The following ADGRL3 variants were observed in gnomAD, a reference collection of about 807,000 sequenced individuals.
ADGRL3 encodes the protein calcium-independent alpha-latrotoxin receptor 3.
Under a neutral mutation model 153.5 loss-of-function variants are expected in ADGRL3, and 62 were observed. The observed-to-expected ratio is 0.40, with a 90% CI of 0.33 to 0.50. The LOEUF (loss-of-function observed/expected upper bound fraction) is 0.50. Among genes scored for constraint, ADGRL3 ranks in the 20% least tolerant of loss-of-function variants. The pLI is 0.47. For synonymous variants in ADGRL3, 710 were observed against 672.5 expected (o/e 1.06, Z -0.86); for missense variants, 1,641 against 1,859.4 (o/e 0.88, Z 2.16).
intron 1 of ADGRL3, among the ~76,000 whole-genome samples, chr4:61,372,871 A>C (rs892564566): frequency 1.3e-5 from 2 of 152,122 alleles, no homozygotes; most frequent in Admixed American, 1.3e-4. Flanking sequence ...CTGTGCTAGC[A>C]ATCAGCGAGA....
At chr4:61,235,145 G>A (rs1388898118) in intron 1 of ADGRL3, among the ~76,000 whole-genome samples, 4 of 152,164 alleles carry the variant, frequency 2.6e-5, no homozygotes, top group African/African-American at 9.7e-5. Flanking sequence ...GTAGAGCGAT[G>A]AGTAGATGAC....
chr4:61,711,591 T>G (rs1433789586), intron 6 of ADGRL3, among the ~76,000 whole-genome samples: 1 of 149,794 alleles, frequency 6.7e-6, no homozygotes, highest in Non-Finnish European at 1.5e-5. Flanking sequence ...GATTTGCAAA[T>G]TGGACAGCCC....
chr4:61,810,950 G>T (rs2097608687), intron 8 of ADGRL3, among the ~76,000 whole-genome samples: 1 of 151,960 alleles, frequency 6.6e-6, no homozygotes, highest in South Asian at 2.1e-4. Flanking sequence ...GGTCAATGCT[G>T]ACTTAACTAT....
rs150795177 is a variant in ADGRL3, at chr4:61,801,732, T to C, written c.1400-12077T>C. ...TCCATAATATAACTTGTTTACAACT[T>C]ATATTTGTTAAGGGATTTGTTAAGG... On this transcript the variant is annotated intron_variant, in intron 8 of 26. Coordinates refer to ENST00000683033, the MANE Select transcript of ADGRL3 (RefSeq NM_001387552.1). Among the ~76,000 whole-genome samples, 1,013 of 152,252 alleles carry C rather than the reference T, an allele frequency of 6.7e-3. 14 individuals are homozygous for C. The highest frequency in any genetic ancestry group is 0.023 in the African/African-American group (964 of 41,550).
In ADGRL3 at chr4:61,939,507, T is replaced by A. The variant is rs192942047; in HGVS notation, c.2419+3462T>A. ...TTTTTTGAGACGGAGTCTCACTCTGTCACCCAGGCTGGGATGCAGTGGCAC... is the reference window on the plus strand; with the variant it reads ...TTTTTTGAGACGGAGTCTCACTCTGACACCCAGGCTGGGATGCAGTGGCAC... On this transcript the variant is annotated intron_variant, in intron 15 of 26. Transcript: ENST00000683033. Among the ~76,000 whole-genome samples, 25 of 151,774 alleles carry A rather than the reference T, an allele frequency of 1.6e-4. No homozygotes were observed. The East Asian group carries it at 4.9e-3, about 30-fold the overall frequency.
intron 1 of ADGRL3, among the ~76,000 whole-genome samples, chr4:61,375,981 T>C (rs1402516755): frequency 1.3e-5 from 2 of 152,178 alleles, no homozygotes; most frequent in Non-Finnish European, 2.9e-5. Flanking sequence ...ATTAATAAAG[T>C]ATACTGTATT....
intron 4 of ADGRL3, among the ~76,000 whole-genome samples, chr4:61,553,112 A>C (rs182778835): frequency 1.3e-5 from 2 of 152,206 alleles, no homozygotes. Context: ...AAATAAGCAT[A>C]GTTCGTAGGT....
At position 62,075,881 on chromosome 4, in the gene ADGRL3, A is replaced by G. The variant is rs1357686488; in HGVS notation, c.*4973A>G. On this transcript the variant is annotated 3_prime_UTR_variant, in exon 27 of 27. Transcript: ENST00000683033. The stretch of plus-strand genomic sequence containing the variant: ...AAAAATATTAAACAATTAAATTTTC[A>G]TTTGTAGGCTAGCAGAACTTAAATG... 2 of 152,276 alleles carry G rather than the reference A, an allele frequency of 1.3e-5. No individual in the cohort carries two copies. The highest frequency in any genetic ancestry group is 2.4e-5 in the African/African-American group (1 of 41,586). 9.4% of individuals were successfully genotyped at this position (152,276 alleles called of 1,614,324 possible). A position where few individuals can be genotyped will look rare whatever the true frequency, so the allele number is the denominator to read the frequency against.
chr4:61,723,767 T>C (rs1320301179), intron 6 of ADGRL3, among the ~76,000 whole-genome samples: 2 of 152,158 alleles, frequency 1.3e-5, no homozygotes, highest in African/African-American at 4.8e-5. Flanking sequence ...ATATCAATGC[T>C]TGCCGGTCAG....
At chr4:61,551,078 C>G (rs545066008) in intron 4 of ADGRL3, among the ~76,000 whole-genome samples, 61 of 152,162 alleles carry the variant, frequency 4.0e-4, no homozygotes, top group African/African-American at 1.5e-3. Context: ...TTTCTCATAT[C>G]AGCTTACATG....
At chr4:61,607,695 T>G (rs1285755455) in intron 5 of ADGRL3, among the ~76,000 whole-genome samples, 1 of 152,188 alleles carries the variant, frequency 6.6e-6, no homozygotes, top group East Asian at 1.9e-4. Context: ...ACCTGACTCC[T>G]GAGCAGTAAA....
intron 4 of ADGRL3, among the ~76,000 whole-genome samples, chr4:61,523,106 T>C (rs2098540736): frequency 6.6e-6 from 1 of 151,980 alleles, no homozygotes; most frequent in African/African-American, 2.4e-5. Flanking sequence ...TGTGCATGCA[T>C]ATGAGACGAT....
chr4:61,352,585 A>G (rs1436653958), intron 1 of ADGRL3, among the ~76,000 whole-genome samples: 2 of 151,974 alleles, frequency 1.3e-5, no homozygotes, highest in Admixed American at 1.3e-4. Flanking sequence ...GGGTCTCACC[A>G]TGTTGGCCAG....
At chr4:61,675,280 A>G (rs2095147571) in intron 5 of ADGRL3, among the ~76,000 whole-genome samples, 1 of 151,924 alleles carries the variant, frequency 6.6e-6, no homozygotes, top group Non-Finnish European at 1.5e-5. Context: ...CTCCTTAAGG[A>G]ATTAACAGAA....
At chr4:61,426,173 T>C (rs1175772978) in intron 2 of ADGRL3, among the ~76,000 whole-genome samples, 1 of 152,234 alleles carries the variant, frequency 6.6e-6, no homozygotes, top group Admixed American at 6.5e-5. Flanking sequence ...TGGCTCCAAA[T>C]GAGTTGGTGA....
chr4:62,023,516 C>T (rs558031184), intron 21 of ADGRL3, among the ~76,000 whole-genome samples: 1 of 152,176 alleles, frequency 6.6e-6, no homozygotes, highest in Non-Finnish European at 1.5e-5. Context: ...TGACATACTA[C>T]AGAGAAATCT....
At chr4:61,785,972 C>T (rs2097271498) in intron 8 of ADGRL3, among the ~76,000 whole-genome samples, 1 of 152,094 alleles carries the variant, frequency 6.6e-6, no homozygotes, top group Admixed American at 6.6e-5. Context: ...CAAGATCATG[C>T]CACTGCATTC....
intron 3 of ADGRL3, among the ~76,000 whole-genome samples, chr4:61,507,544 G>A (rs1304329389): frequency 2.0e-5 from 3 of 152,086 alleles, no homozygotes; most frequent in African/African-American, 4.8e-5. Context: ...AAAAACTAAC[G>A]GAAATTAAGA....
chr4:61,357,372 C>T (rs2096195024), intron 1 of ADGRL3, among the ~76,000 whole-genome samples: 1 of 151,980 alleles, frequency 6.6e-6, no homozygotes, highest in Non-Finnish European at 1.5e-5. Flanking sequence ...AATAGTAGAG[C>T]ATGCTGGTGT....
Sources: gnomAD v4.1 joint callset for allele counts (sites outside exome capture counted in the v4.1 genomes callset) on GRCh38, gnomAD v4.1.1 for gene constraint, MANE v1.5 for transcripts, NCBI Gene and HGNC (gene_info 2026-07-23, HGNC 2026-07-21) for gene names.